The following CNTN4 variants were observed in gnomAD, a reference collection of about 807,000 sequenced individuals.
CNTN4 encodes contactin 4, also known as contactin-4.
CNTN4 carries 77 observed loss-of-function variants against 122.5 expected under a neutral mutation model. That is an observed-to-expected ratio of 0.63 (90% CI 0.52 to 0.76). CNTN4 has a LOEUF of 0.76. Among genes scored for constraint, CNTN4 ranks in the 30% least tolerant of loss-of-function variants. CNTN4 has a pLI of 0.00. For synonymous variants in CNTN4, 512 were observed against 447.0 expected, an observed-to-expected ratio of 1.15 and a Z score of -1.83; for missense variants, 1,256 against 1,259.1, an observed-to-expected ratio of 1.00 and a Z score of 0.04.
At chr3:2,413,962 C>T (rs2047320185) in intron 3 of CNTN4, among the ~76,000 whole-genome samples, 1 of 152,184 alleles carries the variant, frequency 6.6e-6, no homozygotes, top group Admixed American at 6.5e-5. Flanking sequence ...AGTATTTAGC[C>T]TAATCCCTAT....
At chr3:2,585,399 T>C (rs533751564) in intron 4 of CNTN4, among the ~76,000 whole-genome samples, 5 of 151,586 alleles carry the variant, frequency 3.3e-5, no homozygotes, top group Admixed American at 6.6e-5. Flanking sequence ...CGTATGTTTA[T>C]TGCGGCACTA....
At chr3:2,773,704 G>A (rs1189209317) in intron 6 of CNTN4, among the ~76,000 whole-genome samples, 1 of 151,086 alleles carries the variant, frequency 6.6e-6, no homozygotes, top group East Asian at 1.9e-4. Context: ...TACAGGCTTA[G>A]GGGGTTACCA....
At chr3:2,428,274 G>C (rs981534531) in intron 3 of CNTN4, among the ~76,000 whole-genome samples, 28 of 152,226 alleles carry the variant, frequency 1.8e-4, no homozygotes, top group Non-Finnish European at 3.7e-4. Flanking sequence ...CTGGTGGTGA[G>C]AAAATCTCTC....
chr3:2,560,576 G>T (rs2078909589), intron 3 of CNTN4, among the ~76,000 whole-genome samples: 1 of 152,138 alleles, frequency 6.6e-6, no homozygotes. Flanking sequence ...AACTTCTGAA[G>T]TAGGCTCAGT....
chr3:2,658,173 G>A (rs1029705556), intron 4 of CNTN4, among the ~76,000 whole-genome samples: 4 of 151,602 alleles, frequency 2.6e-5, no homozygotes, highest in South Asian at 2.1e-4. Flanking sequence ...CAGGAAGTTC[G>A]CACCTTTTGC....
At chr3:2,130,469 A>C (rs1559271790) in intron 2 of CNTN4, among the ~76,000 whole-genome samples, 1 of 152,212 alleles carries the variant, frequency 6.6e-6, no homozygotes, top group African/African-American at 2.4e-5. Flanking sequence ...ATAAAATAGA[A>C]TTCTTAAACA....
intron 4 of CNTN4, among the ~76,000 whole-genome samples, chr3:2,582,563 T>G (rs573594509): frequency 6.6e-6 from 1 of 152,246 alleles, no homozygotes; most frequent in Non-Finnish European, 1.5e-5. Flanking sequence ...AGAAAAGGAA[T>G]AAAGCACAAA....
At chr3:2,937,531 C>T (rs928850671) in intron 13 of CNTN4, among the ~76,000 whole-genome samples, 1 of 152,176 alleles carries the variant, frequency 6.6e-6, no homozygotes, top group Non-Finnish European at 1.5e-5. Flanking sequence ...TATACAGGTG[C>T]TTTAAGTTTA....
chr3:2,738,893 A>G (rs2089296353), intron 5 of CNTN4, among the ~76,000 whole-genome samples: 1 of 152,114 alleles, frequency 6.6e-6, no homozygotes, highest in South Asian at 2.1e-4. Flanking sequence ...ATAAAAGAAA[A>G]TATTTAACTG....
intron 4 of CNTN4, among the ~76,000 whole-genome samples, chr3:2,700,981 G>C (rs945087542): frequency 2.0e-5 from 3 of 152,160 alleles, no homozygotes; most frequent in Non-Finnish European, 4.4e-5. Flanking sequence ...AAGTGGTTGA[G>C]ATGTGGGATC....
chr3:2,466,970 C>CTTTTTTTTTTT (rs60879017), intron 3 of CNTN4, among the ~76,000 whole-genome samples: 109 of 115,770 alleles, frequency 9.4e-4, no homozygotes, highest in Admixed American at 1.2e-3. Context: ...TTCTTTCTTT[C>CTTTTTTTTTTT]TTTTTTTTTT....
chr3:2,431,671 A>G (rs1406216166), intron 3 of CNTN4, among the ~76,000 whole-genome samples: 1 of 152,230 alleles, frequency 6.6e-6, no homozygotes, highest in East Asian at 1.9e-4. Flanking sequence ...TAGAGAGCAA[A>G]GAAACATGCT....
At chr3:2,166,556 A>T (rs563313654) in intron 2 of CNTN4, among the ~76,000 whole-genome samples, 5 of 152,134 alleles carry the variant, frequency 3.3e-5, no homozygotes, top group African/African-American at 7.2e-5. Context: ...TTGATAATGT[A>T]AGTTATGAAA....
intron 2 of CNTN4, among the ~76,000 whole-genome samples, chr3:2,327,735 A>G (rs186995805): frequency 4.4e-4 from 67 of 152,308 alleles, no homozygotes; most frequent in Admixed American, 1.4e-3. Flanking sequence ...GAATAAATAG[A>G]TGTTCCTAGC....
At chr3:2,620,006 T>G (rs1472090552) in intron 4 of CNTN4, among the ~76,000 whole-genome samples, 1 of 8,592 alleles carries the variant, frequency 1.2e-4, no homozygotes, top group African/African-American at 4.9e-4. Context: ...TCTTCAAATA[T>G]GTACCCAAGT....
chr3:2,484,917 C>A (rs1166428026), intron 3 of CNTN4, among the ~76,000 whole-genome samples: 1 of 152,314 alleles, frequency 6.6e-6, no homozygotes, highest in Middle Eastern at 3.4e-3. Flanking sequence ...GTGCGAGAGG[C>A]ACGGGCGGGA....
intron 3 of CNTN4, among the ~76,000 whole-genome samples, chr3:2,423,485 T>G (rs941012011): frequency 3.3e-5 from 5 of 152,174 alleles, no homozygotes; most frequent in South Asian, 2.1e-4. Context: ...AACTTGTTTT[T>G]TTTTTTTTTT....
At chr3:2,611,962 A>C (rs1333003261) in intron 4 of CNTN4, among the ~76,000 whole-genome samples, 1 of 152,138 alleles carries the variant, frequency 6.6e-6, no homozygotes, top group Non-Finnish European at 1.5e-5. Flanking sequence ...GATATGTAGG[A>C]GATGGAGCTT....
intron 6 of CNTN4, among the ~76,000 whole-genome samples, chr3:2,809,349 C>T (rs79704869): frequency 1.3e-5 from 2 of 152,036 alleles, no homozygotes; most frequent in African/African-American, 2.4e-5. Flanking sequence ...ACAAGGGGAA[C>T]AGCAAGGACA....
Sources: allele counts gnomAD v4.1 joint callset (sites outside exome capture counted in the v4.1 genomes callset), GRCh38; gene constraint gnomAD v4.1.1; transcripts MANE v1.5; gene names NCBI Gene and HGNC (gene_info 2026-07-23, HGNC 2026-07-21).